CDON: variants seen among roughly 807,000 people sequenced by gnomAD.
CDON encodes the protein cell adhesion associated, oncogene regulated.
A neutral mutation model predicts 120.9 loss-of-function variants in CDON; 73 were observed. The observed-to-expected ratio is 0.60, with a 90% confidence interval of 0.50 to 0.73. CDON has a LOEUF of 0.73. Ranked by LOEUF, CDON falls within the 30% of genes least tolerant of loss-of-function variation. The pLI, the probability that CDON is intolerant of heterozygous loss-of-function variation, is 0.00. For synonymous variants in CDON, 566 were observed against 573.5 expected, an observed-to-expected ratio of 0.99 and a Z score of 0.19; for missense variants, 1,470 against 1,587.3, an observed-to-expected ratio of 0.93 and a Z score of 1.26.
chr11:125,965,933 G>T (rs753759197), intron 18 of CDON, among the ~76,000 whole-genome samples: 2 of 152,118 alleles, frequency 1.3e-5, no homozygotes, highest in East Asian at 3.8e-4. Context: ...TCGGGAGTTC[G>T]AGACAAGCCT....
At chr11:125,969,030 C>G (rs559094192) in intron 18 of CDON, among the ~76,000 whole-genome samples, 2 of 152,270 alleles carry the variant, frequency 1.3e-5, no homozygotes, top group African/African-American at 4.8e-5. Context: ...TGAAGTTTTG[C>G]TCTCATTGCC....
intron 1 of CDON, among the ~76,000 whole-genome samples, chr11:126,055,759 G>T (rs1948666964): frequency 6.6e-6 from 1 of 152,128 alleles, no homozygotes; most frequent in Non-Finnish European, 1.5e-5. Flanking sequence ...TAAAAAGGTA[G>T]TACATGCTAT....
At chr11:126,027,321 G>A (rs1396252313) in intron 1 of CDON, among the ~76,000 whole-genome samples, 25 of 152,088 alleles carry the variant, frequency 1.6e-4, no homozygotes, top group Admixed American at 1.4e-3. Context: ...AAACATTACT[G>A]ACCACACAAA....
At chr11:126,043,893 A>G (rs1948332863) in intron 1 of CDON, among the ~76,000 whole-genome samples, 1 of 152,262 alleles carries the variant, frequency 6.6e-6, no homozygotes, top group Non-Finnish European at 1.5e-5. Flanking sequence ...GTGGTTATGC[A>G]TTGCTGATCA....
At chr11:125,982,120 G>A (rs886264194) in intron 16 of CDON, among the ~76,000 whole-genome samples, 79 of 148,616 alleles carry the variant, frequency 5.3e-4, no homozygotes, top group African/African-American at 1.7e-3. Flanking sequence ...AGTAGCTTGT[G>A]CGTGCCACCA....
At chr11:126,002,797 G>A (rs1481022366) in intron 10 of CDON, among the ~76,000 whole-genome samples, 2 of 152,152 alleles carry the variant, frequency 1.3e-5, no homozygotes, top group African/African-American at 2.4e-5. Flanking sequence ...GTCGTCCCAA[G>A]GTGGATGGTG....
chr11:126,016,986 A>G, intron 6 of CDON, 102 bp downstream of exon 6: 1 of 955,048 alleles, frequency 1.0e-6, no homozygotes, highest in Non-Finnish European at 1.6e-6. Context: ...AGATAGTTCT[A>G]GATACTCCCT....
At chr11:126,013,556 C>T (rs7125257) in intron 7 of CDON, among the ~76,000 whole-genome samples, 1,888 of 152,164 alleles carry the variant, frequency 0.012, 42 homozygotes, top group African/African-American at 0.043. Context: ...CAGAATTTGT[C>T]CATTTCTGTC....
chr11:125,987,289 A>G (rs1946495776), intron 15 of CDON, among the ~76,000 whole-genome samples: 1 of 152,232 alleles, frequency 6.6e-6, no homozygotes, highest in South Asian at 2.1e-4. Context: ...AAACATAAAG[A>G]GAAGCCAAAG....
chr11:126,051,651 T>C (rs970232319), intron 1 of CDON, among the ~76,000 whole-genome samples: 8 of 132,512 alleles, frequency 6.0e-5, no homozygotes, highest in South Asian at 2.5e-4. Flanking sequence ...CTATTTTTTT[T>C]CTTTTTTTTT....
At position 126,062,746 on chromosome 11, in the gene CDON, C is replaced by T. The variant is rs1164363945; in HGVS notation, c.-229G>A. On this transcript the variant is annotated 5_prime_UTR_variant, in exon 1 of 20. Transcript: ENST00000531738. ...CGCAGGGCAGAGGAGGGAGCGGCGC[C>T]TCGCACGCCGGGGCTGGGGCGCTGG... 2.6e-5 allele frequency: 4 copies of T among 151,050 alleles called. No homozygotes were observed. Among genetic ancestry groups the T allele is most frequent in the Non-Finnish European group, 5.9e-5 (4 of 67,792 alleles). The allele number at this position is 151,050 out of a possible 1,614,324, so 9.4% of individuals were successfully genotyped here.
At chr11:126,003,853 T>C (rs1390908870) in intron 10 of CDON, 49 bp downstream of exon 10, 14 of 1,521,232 alleles carry the variant, frequency 9.2e-6, no homozygotes, top group African/African-American at 2.7e-5. Context: ...CACTAATAAA[T>C]TGACATCAGG....
intron 1 of CDON, among the ~76,000 whole-genome samples, chr11:126,023,980 A>T (rs938764274): frequency 1.3e-5 from 2 of 152,242 alleles, no homozygotes; most frequent in Admixed American, 1.3e-4. Context: ...CACGAATTTA[A>T]TCTTCACAAC....
At chr11:126,004,911 C>T (rs1947067296) in intron 9 of CDON, among the ~76,000 whole-genome samples, 1 of 152,132 alleles carries the variant, frequency 6.6e-6, no homozygotes, top group South Asian at 2.1e-4. Flanking sequence ...CCAACACAAG[C>T]CCATGGGGAA....
intron 1 of CDON, among the ~76,000 whole-genome samples, chr11:126,027,528 A>G (rs79290599): frequency 0.1 from 15,330 of 152,248 alleles, 814 homozygotes; most frequent in Admixed American, 0.13. Context: ...ATGCAAATGC[A>G]TGTGTGTGTA....
At chr11:126,062,419 C>T (rs760707388) in intron 1 of CDON, among the ~76,000 whole-genome samples, 160 bp downstream of exon 1, 4 of 152,042 alleles carry the variant, frequency 2.6e-5, no homozygotes, top group Non-Finnish European at 5.9e-5. Flanking sequence ...CAAGCATCAG[C>T]ATCCAGACCC....
chr11:125,978,718 T>C (rs1001376583), intron 17 of CDON, among the ~76,000 whole-genome samples: 2 of 152,262 alleles, frequency 1.3e-5, no homozygotes, highest in East Asian at 1.9e-4. Flanking sequence ...AAATACATTA[T>C]ATGTTATAGC....
At chr11:125,984,728 T>C (rs1401100675) in intron 15 of CDON, among the ~76,000 whole-genome samples, 4 of 151,584 alleles carry the variant, frequency 2.6e-5, no homozygotes, top group Non-Finnish European at 4.4e-5. Context: ...TTTCTACTTA[T>C]GGATGGAACA....
intron 1 of CDON, among the ~76,000 whole-genome samples, chr11:126,050,291 A>G (rs1948522581): frequency 6.6e-6 from 1 of 152,056 alleles, no homozygotes; most frequent in Admixed American, 6.6e-5. Context: ...ACAACTGTGC[A>G]ATTATAACCT....
Sources: gnomAD v4.1 joint callset for allele counts (sites outside exome capture counted in the v4.1 genomes callset) on GRCh38, gnomAD v4.1.1 for gene constraint, MANE v1.5 for transcripts, NCBI Gene and HGNC (gene_info 2026-07-23, HGNC 2026-07-21) for gene names.